Variants in MYO1E observed in about 807,000 individuals in gnomAD.
The protein encoded by MYO1E is myosin IE.
Under a neutral mutation model 151.1 loss-of-function variants are expected in MYO1E, and 68 were observed. The observed-to-expected ratio is 0.45, with a 90% CI of 0.37 to 0.55. The LOEUF (loss-of-function observed/expected upper bound fraction) is 0.55. MYO1E is among the 20% of genes least tolerant of loss of function. The pLI is 0.00. For missense variants in MYO1E, 1,363 were observed against 1,389.3 expected (o/e 0.98, Z 0.30); for synonymous variants, 601 against 501.7 (o/e 1.20, Z -2.64).
chr15:59,369,789 C>T (rs984224799), intron 1 of MYO1E, among the ~76,000 whole-genome samples: 3 of 152,022 alleles, frequency 2.0e-5, no homozygotes, highest in African/African-American at 7.3e-5. Flanking sequence ...ATGAAAATGG[C>T]TATTTTCCTT....
At chr15:59,357,449 G>A (rs1193594769) in intron 1 of MYO1E, among the ~76,000 whole-genome samples, 10 of 139,838 alleles carry the variant, frequency 7.2e-5, no homozygotes, top group South Asian at 6.8e-4. Context: ...TTTTTGAGAC[G>A]AGTCTCACTC....
chr15:59,371,956 G>A (rs1228351666), intron 1 of MYO1E, among the ~76,000 whole-genome samples: 1 of 149,740 alleles, frequency 6.7e-6, no homozygotes, highest in Non-Finnish European at 1.5e-5. Context: ...AGGCGGGCCA[G>A]GGACCGCCCC....
intron 8 of MYO1E, among the ~76,000 whole-genome samples, chr15:59,224,284 TAAGAG>T (rs1299604029): frequency 6.6e-6 from 1 of 151,764 alleles, no homozygotes; most frequent in African/African-American, 2.4e-5. Context: ...AGAAAAGAAA[TAAGAG>T]AAAAGACTAA....
intron 1 of MYO1E, among the ~76,000 whole-genome samples, chr15:59,324,593 G>T (rs2080650761): frequency 6.6e-6 from 1 of 152,000 alleles, no homozygotes; most frequent in African/African-American, 2.4e-5. Flanking sequence ...CAAGTTCAAG[G>T]TGACATTCTT....
chr15:59,341,583 G>A (rs2170895), intron 1 of MYO1E, among the ~76,000 whole-genome samples: 106,924 of 152,092 alleles, frequency 0.7, 41,967 homozygotes, highest in Non-Finnish European at 0.88. Flanking sequence ...ACAAATAAGT[G>A]AGAAAATATG....
At position 59,218,058 on chromosome 15, in the gene MYO1E, T is replaced by A; in HGVS notation, c.940A>T (p.Ile314Leu). The A allele has an allele frequency of 6.2e-7, 1 of 1,614,228 alleles. No homozygotes were observed. The highest frequency in any genetic ancestry group is 8.5e-7 in the Non-Finnish European group (1 of 1,180,044). Residue 314 changes from isoleucine to leucine, a missense_variant, in exon 10 of 28, where the codon ATA (isoleucine) becomes TTA (leucine). Coordinates refer to ENST00000288235, the MANE Select transcript of MYO1E (RefSeq NM_004998.4). ...FLAFPAYLLG[I>L]NQDRLKEKLT... ...TTTTCTTTCAACCGGTCCTGGTTTATCCCTAGCAGATATGCAGGAAAAGCT... is the reference window on the plus strand; with the variant it reads ...TTTTCTTTCAACCGGTCCTGGTTTAACCCTAGCAGATATGCAGGAAAAGCT...
rs17190854 is a variant in MYO1E at position 59,276,925 on chromosome 15, C to T, written c.4-4476G>A. Among the ~76,000 whole-genome samples the T allele has an allele frequency of 9.3e-3, 1,411 of 152,272 alleles. 11 individuals carry two copies. Among genetic ancestry groups the T allele is most frequent in the Admixed American group, 0.017 (257 of 15,304 alleles). On this transcript the variant is annotated intron_variant, in intron 1 of 27. Transcript: ENST00000288235. ...GCCCCAGGGTAGGCCTGGCCCCACG[C>T]GGCAGCGGTTCTGCAAACACTTCAT...
chr15:59,185,659 T>A (rs1436457742), intron 18 of MYO1E, among the ~76,000 whole-genome samples: 1 of 152,216 alleles, frequency 6.6e-6, no homozygotes, highest in Non-Finnish European at 1.5e-5. Flanking sequence ...GAGGACTGCT[T>A]AAGCCCAAGA....
rs902840042 is a variant in MYO1E at position 59,134,716 on chromosome 15, T to C, written c.*2664A>G. On this transcript the variant is annotated 3_prime_UTR_variant, in exon 28 of 28. Coordinates refer to ENST00000288235, the MANE Select transcript of MYO1E (RefSeq NM_004998.4). ...CTATACACGTTGCTGTGTGTGCACA[T>C]GAACACCCCTTATTTCAAACAGGAT... 2 of 152,242 alleles carry C rather than the reference T, an allele frequency of 1.3e-5. No homozygotes were observed. Among genetic ancestry groups the C allele is most frequent in the Admixed American group, 6.5e-5 (1 of 15,284 alleles). The allele number at this position is 152,242 out of a possible 1,614,324, so 9.4% of individuals were successfully genotyped here. A position where few individuals can be genotyped will look rare whatever the true frequency, so the allele number is the denominator to read the frequency against.
chr15:59,280,439 A>G (rs1434505141), intron 1 of MYO1E, among the ~76,000 whole-genome samples: 4 of 152,104 alleles, frequency 2.6e-5, no homozygotes, highest in African/African-American at 9.7e-5. Context: ...AGCCTGGTCA[A>G]CATTGTGAAA....
At chr15:59,272,521 A>T in intron 1 of MYO1E, 72 bp from the exon 2 acceptor site, 5 of 1,467,294 alleles carry the variant, frequency 3.4e-6, no homozygotes, top group Non-Finnish European at 4.8e-6. Flanking sequence ...AAATGCTGTT[A>T]ATTTCCCAAA....
chr15:59,299,689 C>T (rs1044697822), intron 1 of MYO1E, among the ~76,000 whole-genome samples: 1 of 152,176 alleles, frequency 6.6e-6, no homozygotes, highest in Non-Finnish European at 1.5e-5. Flanking sequence ...CCCTGGCTAC[C>T]AGGTAAGCTG....
chr15:59,152,567 C>T (rs2079487933), intron 26 of MYO1E, among the ~76,000 whole-genome samples: 1 of 152,218 alleles, frequency 6.6e-6, no homozygotes, highest in Non-Finnish European at 1.5e-5. Context: ...ATCACCCTGT[C>T]ACCGTCATTA....
intron 1 of MYO1E, among the ~76,000 whole-genome samples, chr15:59,326,592 G>A (rs1297604045): frequency 6.6e-6 from 1 of 152,188 alleles, no homozygotes; most frequent in African/African-American, 2.4e-5. Context: ...GTTTTTCAAT[G>A]TCGTATCGAC....
chr15:59,281,821 G>A (rs181965041), intron 1 of MYO1E, among the ~76,000 whole-genome samples: 2 of 152,094 alleles, frequency 1.3e-5, no homozygotes, highest in South Asian at 2.1e-4. Context: ...GTTGTAAGCC[G>A]GTCGCGGTGG....
At chr15:59,341,454 C>CTTAGT (rs2140429336) in intron 1 of MYO1E, 1 of 152,240 alleles carries the variant, frequency 6.6e-6, no homozygotes, top group Non-Finnish European at 1.5e-5. Flanking sequence ...TTATTTCTAA[C>CTTAGT]TATTTCTTTG....
At chr15:59,277,567 A>C (rs754736634) in intron 1 of MYO1E, among the ~76,000 whole-genome samples, 1,855 of 145,358 alleles carry the variant, frequency 0.013, 20 homozygotes, top group Non-Finnish European at 0.018. Flanking sequence ...AAAAAAAAAA[A>C]AAAAAACATC....
intron 1 of MYO1E, among the ~76,000 whole-genome samples, chr15:59,292,915 T>C (rs539114758): frequency 6.6e-6 from 1 of 152,090 alleles, no homozygotes; most frequent in Non-Finnish European, 1.5e-5. Context: ...ATCTATCCCA[T>C]AGGATTTGAG....
intron 1 of MYO1E, among the ~76,000 whole-genome samples, chr15:59,301,804 C>T (rs750201062): frequency 6.6e-6 from 1 of 152,176 alleles, no homozygotes; most frequent in African/African-American, 2.4e-5. Context: ...CTTTTGTTTC[C>T]AACCTCACAG....
Sources: gnomAD v4.1 joint callset for allele counts (sites outside exome capture counted in the v4.1 genomes callset) on GRCh38, gnomAD v4.1.1 for gene constraint, MANE v1.5 for transcripts, NCBI Gene and HGNC (gene_info 2026-07-23, HGNC 2026-07-21) for gene names.